The following IGSF21 variants were observed in gnomAD, a reference collection of about 807,000 sequenced individuals.
IGSF21 encodes immunoglobin superfamily member 21.
IGSF21 carries 28 observed loss-of-function variants against 46.8 expected under a neutral mutation model. The ratio of observed to expected loss-of-function variants is 0.60; its 90% CI spans 0.44 to 0.82. IGSF21 has a LOEUF of 0.82. IGSF21 is among the 40% of genes least tolerant of loss of function. The pLI is 0.00. For missense variants in IGSF21, 624 were observed against 665.5 expected (o/e 0.94, Z 0.69); for synonymous variants, 284 against 273.6 (o/e 1.04, Z -0.38).
chr1:18,206,042 C>T (rs2084317292), intron 1 of IGSF21, among the ~76,000 whole-genome samples: 1 of 152,178 alleles, frequency 6.6e-6, no homozygotes, highest in African/African-American at 2.4e-5. Context: ...CCTCATGGGG[C>T]TGACATTCTA....
At chr1:18,278,506 G>T (rs1002842255) in intron 2 of IGSF21, among the ~76,000 whole-genome samples, 10 of 151,410 alleles carry the variant, frequency 6.6e-5, no homozygotes, top group Admixed American at 6.6e-4. Flanking sequence ...CTCCCAAAGT[G>T]CTGGGATTAC....
At chr1:18,309,485 T>G (rs2085459277) in intron 3 of IGSF21, among the ~76,000 whole-genome samples, 1 of 152,122 alleles carries the variant, frequency 6.6e-6, no homozygotes. Flanking sequence ...GGCAGTCAGG[T>G]TAGGGTACTG....
At chr1:18,364,688 C>A (rs914457388) in intron 5 of IGSF21, among the ~76,000 whole-genome samples, 1 of 152,140 alleles carries the variant, frequency 6.6e-6, no homozygotes, top group Non-Finnish European at 1.5e-5. Context: ...TCCTCCCACA[C>A]ATGCACCTGT....
intron 4 of IGSF21, among the ~76,000 whole-genome samples, chr1:18,355,558 G>GA (rs1362543288): frequency 6.6e-6 from 1 of 151,758 alleles, no homozygotes; most frequent in African/African-American, 2.4e-5. Flanking sequence ...CCCGATGCTA[G>GA]AAAAAATTAT....
intron 1 of IGSF21, among the ~76,000 whole-genome samples, chr1:18,227,512 GA>G (rs1433594312): frequency 1.3e-5 from 2 of 151,882 alleles, no homozygotes; most frequent in East Asian, 3.9e-4. Context: ...AAAAGGGGTG[GA>G]GGGGCGATGT....
At chr1:18,257,330 TGGA>T (rs2124533126) in intron 2 of IGSF21, among the ~76,000 whole-genome samples, 1 of 152,340 alleles carries the variant, frequency 6.6e-6, no homozygotes, top group Non-Finnish European at 1.5e-5. Context: ...GTCAGACCTA[TGGA>T]AGGTCTTCTT....
chr1:18,159,973 GCCTGGC>G, intron 1 of IGSF21, among the ~76,000 whole-genome samples: 1 of 152,278 alleles, frequency 6.6e-6, no homozygotes, highest in Admixed American at 6.5e-5. Context: ...GAGCCACCTT[GCCTGGC>G]CCTGGGTATG....
intron 1 of IGSF21, among the ~76,000 whole-genome samples, chr1:18,218,236 G>A (rs910214914): frequency 1.1e-4 from 16 of 152,182 alleles, no homozygotes; most frequent in African/African-American, 3.1e-4. Flanking sequence ...AGGAGAAAGT[G>A]GGGGAGCTGC....
intron 1 of IGSF21, among the ~76,000 whole-genome samples, chr1:18,124,969 C>T (rs1289230127): frequency 1.3e-5 from 2 of 152,062 alleles, no homozygotes; most frequent in Non-Finnish European, 2.9e-5. Flanking sequence ...CAAAGGCACT[C>T]GAGGGGAAGA....
At chr1:18,197,578 G>T (rs1160241797) in intron 1 of IGSF21, among the ~76,000 whole-genome samples, 2 of 152,182 alleles carry the variant, frequency 1.3e-5, no homozygotes, top group Admixed American at 6.5e-5. Context: ...AAACTTGCCT[G>T]GTACCTACAG....
intron 2 of IGSF21, among the ~76,000 whole-genome samples, chr1:18,283,713 C>T (rs2124558351): frequency 6.6e-6 from 1 of 152,198 alleles, no homozygotes; most frequent in African/African-American, 2.4e-5. Flanking sequence ...TACCTACTCC[C>T]TTTCTTGCCC....
chr1:18,279,754 G>T (rs1438167572), intron 2 of IGSF21, among the ~76,000 whole-genome samples: 1 of 152,246 alleles, frequency 6.6e-6, no homozygotes, highest in East Asian at 1.9e-4. Context: ...GGGCTGGGCT[G>T]CCCTGATGCC....
At chr1:18,162,657 G>T (rs1292045158) in intron 1 of IGSF21, among the ~76,000 whole-genome samples, 3 of 152,186 alleles carry the variant, frequency 2.0e-5, no homozygotes. Flanking sequence ...TTTGACTTAG[G>T]ATATTTTCAA....
rs144832141 is a variant in IGSF21, at chr1:18,149,327, G to A, written c.70+41129G>A. On this transcript the variant is annotated intron_variant, in intron 1 of 9. Transcript: ENST00000251296. ...GAGCAGGGACAGTCTCCGAGGCTTC[G>A]GGGCAAGGGACTGATTTAAGTGAAC... 3.9e-3 allele frequency among the ~76,000 whole-genome samples: 587 copies of A among 152,252 alleles called. 1 individual carries two copies. Among genetic ancestry groups the A allele is most frequent in the Middle Eastern group, 0.024 (7 of 294 alleles).
chr1:18,250,006 C>A (rs1357174652), intron 2 of IGSF21, among the ~76,000 whole-genome samples: 2 of 151,828 alleles, frequency 1.3e-5, no homozygotes, highest in African/African-American at 4.8e-5. Context: ...CAGTTGGGGC[C>A]CCAGTGCCCA....
At chr1:18,113,145 A>T (rs550931202) in intron 1 of IGSF21, 1 of 152,282 alleles carries the variant, frequency 6.6e-6, no homozygotes, top group South Asian at 2.1e-4. Context: ...AGCCCTTACT[A>T]CTTGTAGGAG....
chr1:18,227,633 T>G (rs2084581964), intron 1 of IGSF21, among the ~76,000 whole-genome samples: 1 of 151,034 alleles, frequency 6.6e-6, no homozygotes, highest in Non-Finnish European at 1.5e-5. Context: ...AGCAGAAGTG[T>G]TTTTGGTTTG....
At chr1:18,273,512 CTTT>C (rs2085071425) in intron 2 of IGSF21, among the ~76,000 whole-genome samples, 2 of 71,916 alleles carry the variant, frequency 2.8e-5, no homozygotes, top group Admixed American at 1.6e-4. Flanking sequence ...TTCTTTCTTT[CTTT>C]CTTTCGTCTT....
chr1:18,191,639 C>G (rs150423208), intron 1 of IGSF21, among the ~76,000 whole-genome samples: 1 of 151,572 alleles, frequency 6.6e-6, no homozygotes, highest in Admixed American at 6.6e-5. Context: ...GGCAGGCTTG[C>G]GGGTTGGGGA....
Sources: gnomAD v4.1 joint callset for allele counts (sites outside exome capture counted in the v4.1 genomes callset) on GRCh38, gnomAD v4.1.1 for gene constraint, MANE v1.5 for transcripts, NCBI Gene and HGNC (gene_info 2026-07-23, HGNC 2026-07-21) for gene names.